Variants in DAB1 observed in about 807,000 individuals in gnomAD.
DAB1 encodes the protein DAB adaptor protein 1.
Under a neutral mutation model 64.6 loss-of-function variants are expected in DAB1, and 15 were observed. The observed-to-expected ratio is 0.23, with a 90% confidence interval of 0.16 to 0.36. DAB1 has a LOEUF of 0.36. Among genes scored for constraint, DAB1 ranks in the 10% least tolerant of loss-of-function variants. The pLI is 1.00. For synonymous variants in DAB1, 235 were observed against 251.9 expected (o/e 0.93, Z 0.64); for missense variants, 596 against 706.7 (o/e 0.84, Z 1.78).
At chr1:58,098,005 A>T (rs1651091366) in intron 5 of DAB1, among the ~76,000 whole-genome samples, 1 of 152,224 alleles carries the variant, frequency 6.6e-6, no homozygotes, top group African/African-American at 2.4e-5. Context: ...TTAGGAAAGA[A>T]AATGAAACAT....
Position 58,296,236 on chromosome 1 carries a change from A to G in DAB1, n.309+47116T>C, listed in dbSNP as rs566439546. Among the ~76,000 whole-genome samples, 83 of 151,906 alleles carry G rather than the reference A, an allele frequency of 5.5e-4. No individual in the cohort carries two copies. In the East Asian group the frequency reaches 0.012, roughly 22 times the overall value. ...AAGAAAGAAAGAAAGAAAGAAAGAA[A>G]GAAAGAAAGAAAGAAAGAAAGAAAG... On this transcript the variant is annotated intron_variant and non_coding_transcript_variant, in intron 4 of 20. Transcript: ENST00000485760.
intron 9 of DAB1, among the ~76,000 whole-genome samples, chr1:57,029,285 T>C (rs745997618): frequency 2.3e-4 from 35 of 152,196 alleles, no homozygotes; most frequent in Non-Finnish European, 4.3e-4. Context: ...AGTCAAGAAT[T>C]GAAGTTTGGG....
intron 7 of DAB1, among the ~76,000 whole-genome samples, chr1:57,611,499 A>C (rs1645726076): frequency 6.6e-6 from 1 of 152,160 alleles, no homozygotes; most frequent in South Asian, 2.1e-4. Flanking sequence ...TTATTGATAA[A>C]ATTTGCAACT....
intron 3 of DAB1, among the ~76,000 whole-genome samples, chr1:58,483,939 G>A (rs1645532023): frequency 6.6e-6 from 1 of 152,218 alleles, no homozygotes; most frequent in South Asian, 2.1e-4. Context: ...TCAGTAAAGG[G>A]GGAGAGTATG....
chr1:58,512,880 G>A (rs573077812), intron 2 of DAB1, among the ~76,000 whole-genome samples: 3 of 152,188 alleles, frequency 2.0e-5, no homozygotes, highest in Non-Finnish European at 2.9e-5. Context: ...ATTTAAGAGG[G>A]TAGATCTCAT....
Position 57,777,603 on chromosome 1 carries a change from T to TCAC in DAB1, n.551+106395_551+106396insGTG, listed in dbSNP as rs1201218150. 1.1e-3 allele frequency among the ~76,000 whole-genome samples: 174 copies of TCAC among 152,140 alleles called. 1 individual carries two copies. The highest frequency in any genetic ancestry group is 4.0e-3 in the African/African-American group (167 of 41,564). On this transcript the variant is annotated intron_variant and non_coding_transcript_variant, in intron 6 of 20. Coordinates refer to the DAB1 transcript ENST00000485760. ...ATATATATTTCAGATATTATATATT[T>TCAC]CAACTCTAGAAGTTTTACTTGATTC...
intron 1 of DAB1, among the ~76,000 whole-genome samples, chr1:57,391,015 T>A (rs1031224091): frequency 6.6e-6 from 1 of 152,346 alleles, no homozygotes; most frequent in Middle Eastern, 3.4e-3. Flanking sequence ...CCAGTGGCCA[T>A]GCTTTTTCTG....
intron 7 of DAB1, among the ~76,000 whole-genome samples, chr1:57,466,569 A>G (rs1372135522): frequency 6.6e-6 from 1 of 152,194 alleles, no homozygotes; most frequent in Non-Finnish European, 1.5e-5. Flanking sequence ...TTAAAACAAC[A>G]TCTATTTATT....
At chr1:57,961,314 G>A (rs1645515630) in intron 5 of DAB1, among the ~76,000 whole-genome samples, 1 of 152,102 alleles carries the variant, frequency 6.6e-6, no homozygotes, top group Non-Finnish European at 1.5e-5. Flanking sequence ...GATTATATAT[G>A]TATATGTGTA....
intron 2 of DAB1, among the ~76,000 whole-genome samples, chr1:58,518,037 T>C (rs1646184718): frequency 6.6e-6 from 1 of 150,676 alleles, no homozygotes; most frequent in African/African-American, 2.4e-5. Context: ...AAATACAAAA[T>C]TAGCTAGGCA....
intron 1 of DAB1, among the ~76,000 whole-genome samples, chr1:58,529,194 C>G (rs1029484165): frequency 6.6e-6 from 1 of 152,148 alleles, no homozygotes; most frequent in African/African-American, 2.4e-5. Context: ...GAATAATAGA[C>G]TTAGTTATCC....
chr1:57,608,918 C>T (rs1645692809), intron 7 of DAB1, among the ~76,000 whole-genome samples: 1 of 152,176 alleles, frequency 6.6e-6, no homozygotes, highest in South Asian at 2.1e-4. Context: ...CTCTCACCAT[C>T]TTTAAGTTAT....
chr1:57,111,436 C>T (rs980982631), intron 4 of DAB1, among the ~76,000 whole-genome samples: 2 of 152,164 alleles, frequency 1.3e-5, no homozygotes, highest in African/African-American at 4.8e-5. Context: ...CTGGGGCACA[C>T]CCTCCAGCCA....
intron 2 of DAB1, among the ~76,000 whole-genome samples, chr1:57,263,370 T>A (rs895334230): frequency 6.6e-6 from 1 of 152,154 alleles, no homozygotes; most frequent in African/African-American, 2.4e-5. Flanking sequence ...TCTGCCCACT[T>A]TGGCCTCCCA....
At chr1:57,582,470 G>C (rs1645325244) in intron 7 of DAB1, among the ~76,000 whole-genome samples, 1 of 152,170 alleles carries the variant, frequency 6.6e-6, no homozygotes, top group Non-Finnish European at 1.5e-5. Context: ...ATGAGATTTG[G>C]GTGGGGACAT....
intron 3 of DAB1, among the ~76,000 whole-genome samples, chr1:58,362,358 C>T (rs1644175635): frequency 6.6e-6 from 1 of 152,174 alleles, no homozygotes; most frequent in Admixed American, 6.5e-5. Context: ...ATGAAAACCT[C>T]AAGTTTTCCA....
intron 3 of DAB1, among the ~76,000 whole-genome samples, chr1:57,137,847 A>G (rs772247030): frequency 6.6e-6 from 1 of 152,188 alleles, no homozygotes; most frequent in Non-Finnish European, 1.5e-5. Flanking sequence ...AGGAAGGCAC[A>G]TTCTGTTGAG....
chr1:57,343,919 G>A (rs1321584256), intron 1 of DAB1, among the ~76,000 whole-genome samples: 2 of 152,260 alleles, frequency 1.3e-5, no homozygotes, highest in African/African-American at 2.4e-5. Flanking sequence ...GGCCAAGGAG[G>A]CGCCCAGAGC....
At chr1:58,181,694 G>GATCTCCCT in intron 4 of DAB1, among the ~76,000 whole-genome samples, 1 of 150,790 alleles carries the variant, frequency 6.6e-6, no homozygotes, top group African/African-American at 2.5e-5. Context: ...AATAAAATAT[G>GATCTCCCT]GAAATTTTGT....
Sources: gnomAD v4.1 joint callset for allele counts (sites outside exome capture counted in the v4.1 genomes callset) on GRCh38, gnomAD v4.1.1 for gene constraint, MANE v1.5 for transcripts, NCBI Gene and HGNC (gene_info 2026-07-23, HGNC 2026-07-21) for gene names.